The following KSR2 variants were observed in gnomAD, a reference collection of about 807,000 sequenced individuals.
The protein encoded by KSR2 is kinase suppressor of ras 2.
Under a neutral mutation model 107.8 loss-of-function variants are expected in KSR2, and 25 were observed. The ratio of observed to expected loss-of-function variants is 0.23; its 90% CI spans 0.17 to 0.32. KSR2 has a LOEUF of 0.32. KSR2 is among the 10% of genes least tolerant of loss of function. KSR2 has a pLI of 1.00. For missense variants in KSR2, 887 were observed against 1,268.9 expected (o/e 0.70, Z 4.57); for synonymous variants, 480 against 507.0 (o/e 0.95, Z 0.71).
At chr12:117,917,800 C>T (rs2137449623) in intron 1 of KSR2, among the ~76,000 whole-genome samples, 1 of 152,332 alleles carries the variant, frequency 6.6e-6, no homozygotes, top group South Asian at 2.1e-4. Flanking sequence ...TCTCCCCCAT[C>T]ACCCGAGGAT....
chr12:117,699,916 T>C (rs989163321), intron 4 of KSR2, among the ~76,000 whole-genome samples: 2 of 152,106 alleles, frequency 1.3e-5, no homozygotes, highest in African/African-American at 4.8e-5. Context: ...TCTGTCACCC[T>C]GGCTGGAGTG....
intron 1 of KSR2, among the ~76,000 whole-genome samples, chr12:117,931,404 G>T (rs891312998): frequency 1.3e-5 from 2 of 152,114 alleles, no homozygotes; most frequent in African/African-American, 4.8e-5. Context: ...CAAAAAGAAG[G>T]ACATCACCAT....
At chr12:117,717,288 A>G (rs1887022649) in intron 4 of KSR2, among the ~76,000 whole-genome samples, 1 of 152,232 alleles carries the variant, frequency 6.6e-6, no homozygotes, top group African/African-American at 2.4e-5. Flanking sequence ...CGGAAGGCTG[A>G]GACAGGAGGA....
In KSR2 at chr12:117,531,110, C is replaced by T. The variant is rs1683106563; in HGVS notation, c.1730-97G>A. ...GGCGACATGGCAGCCAATTTTTCAC[C>T]AGATCTTGGATCTCTGCCCTTGGCC... is the stretch of plus-strand genomic sequence containing the variant. On this transcript the variant is annotated intron_variant, in intron 11 of 19. Transcript: ENST00000339824. 9 of 978,090 alleles carry T rather than the reference C, an allele frequency of 9.2e-6. No homozygotes were observed. The South Asian group carries it at 1.2e-4, about 13-fold the overall frequency. 60.6% of individuals were successfully genotyped at this position (978,090 alleles called of 1,614,324 possible).
rs535473230 is a variant in KSR2, at chr12:117,582,357, T to G, written c.1174A>C (p.Thr392Pro). 1 of 1,613,312 alleles carries G rather than the reference T, an allele frequency of 6.2e-7. No homozygotes were observed. The highest frequency in any genetic ancestry group is 1.1e-5 in the South Asian group (1 of 91,066). ...VHTEANFSAN[T>P]LSVPRWSPQI... Reference sequence around the variant, plus strand: ...GGGGACCAGCGTGGCACTGACAGTGTGTCTACAGAGAGAAGAGAACAGCCT... The same window carrying G: ...GGGGACCAGCGTGGCACTGACAGTGGGTCTACAGAGAGAAGAGAACAGCCT... The change falls in exon 6 of 20, where the codon ACA becomes CCA. Residue 392 changes from threonine to proline, a missense_variant and splice_region_variant. By Grantham distance (38) the Thr-to-Pro change is conservative. Coordinates refer to ENST00000339824, the MANE Select transcript of KSR2 (RefSeq NM_173598.6).
At chr12:117,839,500 A>G (rs1458336612) in intron 3 of KSR2, among the ~76,000 whole-genome samples, 2 of 152,216 alleles carry the variant, frequency 1.3e-5, no homozygotes, top group African/African-American at 4.8e-5. Flanking sequence ...TAACCCTCAA[A>G]ATCAGCTCAG....
intron 3 of KSR2, among the ~76,000 whole-genome samples, chr12:117,835,045 A>G (rs1303937949): frequency 1.3e-5 from 2 of 152,156 alleles, no homozygotes; most frequent in African/African-American, 2.4e-5. Context: ...CACAGAGTCC[A>G]GGGAAAAAGG....
rs200599268 is a variant in KSR2 at position 117,760,454 on chromosome 12, ATAT to A, written c.986+554_986+556del. Among the ~76,000 whole-genome samples, 545 of 152,338 alleles carry A rather than the reference ATAT, an allele frequency of 3.6e-3. 1 individual carries two copies. Among genetic ancestry groups the A allele is most frequent in the African/African-American group, 0.012 (491 of 41,592 alleles). On this transcript the variant is annotated intron_variant, in intron 4 of 19. Transcript: ENST00000339824. ...TATTTTACATTGATTCTTTGTTAAGATATTATAATTTTGATATATTGGGTTGAA... is the reference window on the plus strand; with the variant it reads ...TATTTTACATTGATTCTTTGTTAAGATATAATTTTGATATATTGGGTTGAA...
chr12:117,592,804 A>G (rs896873582), intron 5 of KSR2, among the ~76,000 whole-genome samples: 1 of 152,232 alleles, frequency 6.6e-6, no homozygotes, highest in African/African-American at 2.4e-5. Context: ...AGATGGTAAC[A>G]CTAGGTCGGG....
At chr12:117,542,879 A>G (rs1460382945) in intron 9 of KSR2, among the ~76,000 whole-genome samples, 1 of 152,032 alleles carries the variant, frequency 6.6e-6, no homozygotes, top group Non-Finnish European at 1.5e-5. Context: ...GCCTTTTTTC[A>G]CTCAGAATAA....
chr12:117,595,300 T>C (rs1298787951), intron 5 of KSR2, among the ~76,000 whole-genome samples: 2 of 151,810 alleles, frequency 1.3e-5, no homozygotes, highest in African/African-American at 4.8e-5. Flanking sequence ...AAATTTATAC[T>C]AATTAATTCA....
rs944942726 is a variant in KSR2, at chr12:117,608,830, T to C, written c.1172-26471A>G. On this transcript the variant is annotated intron_variant, in intron 5 of 19. Coordinates refer to ENST00000339824, the MANE Select transcript of KSR2 (RefSeq NM_173598.6). ...TGAGGCCTCTGCAGCAAAACATCCATGGGAAATTGCATGGAGCTCTGGGTG... is the reference window on the plus strand; with the variant it reads ...TGAGGCCTCTGCAGCAAAACATCCACGGGAAATTGCATGGAGCTCTGGGTG... 3.3e-5 allele frequency among the ~76,000 whole-genome samples: 5 copies of C among 152,154 alleles called. No homozygotes were observed. The East Asian group carries it at 7.7e-4, about 24-fold the overall frequency.
chr12:117,657,004 AT>A (rs1884210666), intron 5 of KSR2, among the ~76,000 whole-genome samples: 1 of 118,642 alleles, frequency 8.4e-6, no homozygotes, highest in Non-Finnish European at 1.7e-5. Context: ...ATATATATAT[AT>A]ATATATATAT....
chr12:117,835,031 G>C (rs1038891571), intron 3 of KSR2, among the ~76,000 whole-genome samples: 1 of 152,144 alleles, frequency 6.6e-6, no homozygotes, highest in East Asian at 1.9e-4. Context: ...AATCGAACCC[G>C]AGACACAGAG....
intron 14 of KSR2, among the ~76,000 whole-genome samples, chr12:117,501,405 T>C (rs915631791): frequency 1.3e-5 from 2 of 152,190 alleles, no homozygotes; most frequent in Non-Finnish European, 2.9e-5. Flanking sequence ...TAGAAGGGCT[T>C]TCTTCAATTT....
chr12:117,562,074 A>G (rs1201203116), intron 7 of KSR2, among the ~76,000 whole-genome samples: 1 of 151,918 alleles, frequency 6.6e-6, no homozygotes, highest in African/African-American at 2.4e-5. Flanking sequence ...GGTTGGGGGG[A>G]ATGATGGGGT....
chr12:117,496,943 C>T (rs766399659), intron 14 of KSR2, among the ~76,000 whole-genome samples: 19 of 151,616 alleles, frequency 1.3e-4, no homozygotes, highest in African/African-American at 1.9e-4. Flanking sequence ...CTCTGCCTCC[C>T]GGGTTCAAGC....
chr12:117,921,863 G>A (rs1376082617), intron 1 of KSR2, among the ~76,000 whole-genome samples: 2 of 152,040 alleles, frequency 1.3e-5, no homozygotes, highest in African/African-American at 2.4e-5. Flanking sequence ...CTAGTAAAGT[G>A]GTTTGACAAA....
chr12:117,902,590 C>A (rs1297165978), intron 1 of KSR2, among the ~76,000 whole-genome samples: 1 of 151,140 alleles, frequency 6.6e-6, no homozygotes, highest in Non-Finnish European at 1.5e-5. Context: ...TTTAAGATGT[C>A]TCTGAGGGTT....
Sources: allele counts gnomAD v4.1 joint callset (sites outside exome capture counted in the v4.1 genomes callset), GRCh38; gene constraint gnomAD v4.1.1; transcripts MANE v1.5; gene names NCBI Gene and HGNC (gene_info 2026-07-23, HGNC 2026-07-21).